The following CEP85L variants were observed in gnomAD, a reference collection of about 807,000 sequenced individuals.
CEP85L encodes centrosomal protein of 85 kDa-like.
A neutral mutation model predicts 100.3 loss-of-function variants in CEP85L; 60 were observed. The observed-to-expected ratio is 0.60, with a 90% confidence interval of 0.49 to 0.74. The LOEUF (loss-of-function observed/expected upper bound fraction) is 0.74, where lower values mean the gene tolerates loss of function less well. Ranked by LOEUF, CEP85L falls within the 30% of genes least tolerant of loss-of-function variation. CEP85L has a pLI of 0.00. For missense variants in CEP85L, 973 were observed against 936.2 expected (o/e 1.04, Z -0.51); for synonymous variants, 319 against 322.7 (o/e 0.99, Z 0.12).
chr6:118,615,613 T>C (rs530376926), intron 2 of CEP85L, among the ~76,000 whole-genome samples: 14 of 152,302 alleles, frequency 9.2e-5, no homozygotes. Context: ...AGTCTTTCTT[T>C]ACCTGGGGGT....
chr6:118,559,147 C>T, intron 3 of CEP85L: 1 of 1,176,860 alleles, frequency 8.5e-7, no homozygotes, highest in East Asian at 2.3e-5. Context: ...CCCATGCAGA[C>T]AGGAAAACAA....
chr6:118,541,292 A>G (rs747313010), intron 3 of CEP85L, among the ~76,000 whole-genome samples: 19 of 152,332 alleles, frequency 1.2e-4, no homozygotes, highest in Middle Eastern at 3.4e-3. Flanking sequence ...CCCTTTTGCT[A>G]TGCTATGCAA....
At chr6:118,652,990 A>G (rs1307828755), upstream of CEP85L, among the ~76,000 whole-genome samples, 1 of 152,172 alleles carries the variant, frequency 6.6e-6, no homozygotes, top group Non-Finnish European at 1.5e-5. Flanking sequence ...CTTTGTAGTT[A>G]CCACAGTCTC....
At position 118,532,927 on chromosome 6, in the gene CEP85L, A is replaced by C. The variant is rs76411823; in HGVS notation, c.1021-9007T>G. On this transcript the variant is annotated intron_variant, in intron 3 of 12. Transcript: ENST00000368491. The stretch of plus-strand genomic sequence containing the variant: ...TTTGGGGGATCACTGAGATTAAACA[A>C]CACACTTCTAAATAATACACAGGTT... Among the ~76,000 whole-genome samples the C allele has an allele frequency of 1.2e-4, 18 of 152,284 alleles. No homozygotes were observed. In the East Asian group the frequency reaches 3.1e-3, roughly 26 times the overall value.
chr6:118,600,300 G>GGGTGT lies in CEP85L; in HGVS notation c.232+32152_232+32153insACACC, dbSNP rs1562297733. Among the ~76,000 whole-genome samples, 151 of 52,244 alleles carry GGGTGT rather than the reference G, an allele frequency of 2.9e-3. 27 individuals carry two copies. Among genetic ancestry groups the GGGTGT allele is most frequent in the Middle Eastern group, 0.021 (2 of 96 alleles). 34.3% of individuals were successfully genotyped at this position (52,244 alleles called of 152,430 possible). ...CTGCCTGTCCCTGAGCCTTCCTGGG[G>GGGTGT]GTGTGTGTGTGTGTGTGTGTGTGTG... On this transcript the variant is annotated intron_variant, in intron 2 of 12. Coordinates refer to ENST00000368491, the MANE Select transcript of CEP85L (RefSeq NM_001042475.3).
chr6:118,501,122 G>A (rs892364418), intron 5 of CEP85L, among the ~76,000 whole-genome samples: 67 of 152,138 alleles, frequency 4.4e-4, no homozygotes, highest in Non-Finnish European at 2.9e-4. Flanking sequence ...CAAACTGCCC[G>A]TGGAGAGCTC....
intron 2 of CEP85L, among the ~76,000 whole-genome samples, chr6:118,597,371 C>A (rs893613043): frequency 6.6e-6 from 1 of 152,148 alleles, no homozygotes; most frequent in Non-Finnish European, 1.5e-5. Flanking sequence ...ATATAACATA[C>A]CAGTGCAATC....
intron 2 of CEP85L, among the ~76,000 whole-genome samples, chr6:118,598,934 A>G (rs1165431199): frequency 1.3e-5 from 2 of 152,202 alleles, no homozygotes; most frequent in Non-Finnish European, 2.9e-5. Context: ...GCAAGGGAGA[A>G]GGGCTAAAAT....
chr6:118,709,435 C>G (rs1032669333), intron 1 of CEP85L, among the ~76,000 whole-genome samples: 1 of 152,068 alleles, frequency 6.6e-6, no homozygotes, highest in Admixed American at 6.5e-5. Flanking sequence ...GCTCCCCACT[C>G]GGCTTTCTGG....
In CEP85L at chr6:118,651,426, G is replaced by C. The variant is rs1775553610; in HGVS notation, c.-157C>G. 5.2e-6 allele frequency: 7 copies of C among 1,339,210 alleles called. No homozygotes were observed. Among genetic ancestry groups the C allele is most frequent in the Non-Finnish European group, 5.7e-6 (6 of 1,049,158 alleles). The allele number at this position is 1,339,210 out of a possible 1,614,324, so 83.0% of individuals were successfully genotyped here. On this transcript the variant is annotated 5_prime_UTR_variant, in exon 1 of 13. Coordinates refer to ENST00000368491, the MANE Select transcript of CEP85L (RefSeq NM_001042475.3). ...GTTAACGGCTGCTCAGCTACGGGCGGGGAGCGCAGGGGCCAGATTCGCCGC... is the reference window on the plus strand; with the variant it reads ...GTTAACGGCTGCTCAGCTACGGGCGCGGAGCGCAGGGGCCAGATTCGCCGC...
chr6:118,489,895 C>A (rs1389282719), intron 6 of CEP85L, among the ~76,000 whole-genome samples: 1 of 151,962 alleles, frequency 6.6e-6, no homozygotes, highest in African/African-American at 2.4e-5. Flanking sequence ...AAATATCCAG[C>A]AACAGGTGAA....
chr6:118,483,866 C>A lies in CEP85L; in HGVS notation c.1438-8G>T. 6.2e-7 allele frequency: 1 copy of A among 1,610,410 alleles called. No homozygotes were observed. Among genetic ancestry groups the A allele is most frequent in the Non-Finnish European group, 8.5e-7 (1 of 1,178,746 alleles). ...TCGATCTCTAGTTTTAAGCTAAAAGCAAACAATTATGAACCTTCAGTAGTT... is the reference window on the plus strand; with the variant it reads ...TCGATCTCTAGTTTTAAGCTAAAAGAAAACAATTATGAACCTTCAGTAGTT... On this transcript the variant is annotated splice_region_variant and splice_polypyrimidine_tract_variant and intron_variant, in intron 6 of 12. Coordinates refer to ENST00000368491, the MANE Select transcript of CEP85L (RefSeq NM_001042475.3).
chr6:118,493,346 G>A (rs1774699765), intron 5 of CEP85L, among the ~76,000 whole-genome samples: 1 of 152,148 alleles, frequency 6.6e-6, no homozygotes, highest in Non-Finnish European at 1.5e-5. Flanking sequence ...TCCAAGAATT[G>A]TGAACTTGGC....
intron 5 of CEP85L, among the ~76,000 whole-genome samples, chr6:118,500,743 C>T (rs1775241269): frequency 6.6e-6 from 1 of 152,206 alleles, no homozygotes; most frequent in Non-Finnish European, 1.5e-5. Flanking sequence ...AAATCGGGTG[C>T]TCAACAAGCT....
intron 6 of CEP85L, 48 bp downstream of exon 6, chr6:118,491,638 G>A (rs1192731464): frequency 1.3e-6 from 2 of 1,580,998 alleles, no homozygotes; most frequent in Non-Finnish European, 1.7e-6. Context: ...ATAATTATAT[G>A]CTGAGGAAAT....
At chr6:118,567,247 GTGTATATA>G (rs1324332041) in intron 2 of CEP85L, among the ~76,000 whole-genome samples, 19 of 31,922 alleles carry the variant, frequency 6.0e-4, no homozygotes, top group African/African-American at 1.6e-3. Flanking sequence ...GTGTGTGTGT[GTGTATATA>G]TATATATATA....
intron 2 of CEP85L, among the ~76,000 whole-genome samples, chr6:118,613,182 G>A (rs1298173588): frequency 6.6e-6 from 1 of 152,042 alleles, no homozygotes; most frequent in African/African-American, 2.4e-5. Context: ...CTGTACTCCA[G>A]CCTGGGCAAC....
intron 10 of CEP85L, among the ~76,000 whole-genome samples, chr6:118,477,148 T>C (rs1773445989): frequency 6.6e-6 from 1 of 152,168 alleles, no homozygotes; most frequent in South Asian, 2.1e-4. Context: ...ATACTAGTTT[T>C]ATGGATATAA....
At chr6:118,578,018 C>T (rs1583093567) in intron 2 of CEP85L, among the ~76,000 whole-genome samples, 1 of 152,232 alleles carries the variant, frequency 6.6e-6, no homozygotes, top group South Asian at 2.1e-4. Flanking sequence ...AGAGGAACAA[C>T]AAATCTAAAA....
Sources: gnomAD v4.1 joint callset for allele counts (sites outside exome capture counted in the v4.1 genomes callset) on GRCh38, gnomAD v4.1.1 for gene constraint, MANE v1.5 for transcripts, NCBI Gene and HGNC (gene_info 2026-07-23, HGNC 2026-07-21) for gene names.